Variants in EPHB1 observed in about 807,000 individuals in gnomAD.
EPHB1 encodes ephrin type-B receptor 1.
EPHB1 carries 30 observed loss-of-function variants against 94.4 expected under a neutral mutation model. That is an observed-to-expected ratio of 0.32 (90% CI 0.24 to 0.43). EPHB1 has a LOEUF of 0.43. Ranked by LOEUF, EPHB1 falls within the 20% of genes least tolerant of loss-of-function variation. The pLI, the probability that EPHB1 is intolerant of heterozygous loss-of-function variation, is 1.00. For synonymous variants in EPHB1, 522 were observed against 489.1 expected, an observed-to-expected ratio of 1.07 and a Z score of -0.89; for missense variants, 1,055 against 1,308.3, an observed-to-expected ratio of 0.81 and a Z score of 2.99.
At chr3:134,855,149 A>G (rs1285371722) in intron 1 of EPHB1, among the ~76,000 whole-genome samples, 1 of 152,228 alleles carries the variant, frequency 6.6e-6, no homozygotes, top group African/African-American at 2.4e-5. Context: ...TTGCTTATAT[A>G]TCTTTCAGTA....
At chr3:135,209,043 T>C (rs1480238818) in intron 12 of EPHB1, among the ~76,000 whole-genome samples, 1 of 152,194 alleles carries the variant, frequency 6.6e-6, no homozygotes, top group Non-Finnish European at 1.5e-5. Flanking sequence ...ATCTGGATAA[T>C]TTGAGCCTCA....
At chr3:135,081,775 C>T (rs1205357524) in intron 3 of EPHB1, among the ~76,000 whole-genome samples, 1 of 152,110 alleles carries the variant, frequency 6.6e-6, no homozygotes, top group Non-Finnish European at 1.5e-5. Flanking sequence ...ACAATCCACT[C>T]ATGTGGATGT....
chr3:134,811,350 G>A (rs915321280), intron 1 of EPHB1, among the ~76,000 whole-genome samples: 1 of 139,756 alleles, frequency 7.2e-6, no homozygotes, highest in Non-Finnish European at 1.5e-5. Context: ...GCAATCCTCC[G>A]GCTTCAGCCT....
At chr3:134,907,203 G>C (rs902080677) in intron 1 of EPHB1, among the ~76,000 whole-genome samples, 3 of 152,198 alleles carry the variant, frequency 2.0e-5, no homozygotes, top group East Asian at 1.9e-4. Context: ...GAGAGGTTGT[G>C]TGGGTTACCC....
At chr3:134,858,242 C>G (rs1281674334) in intron 1 of EPHB1, among the ~76,000 whole-genome samples, 2 of 152,080 alleles carry the variant, frequency 1.3e-5, no homozygotes, top group African/African-American at 4.8e-5. Context: ...GTGATATGCA[C>G]TCCTTGCTTG....
Position 135,132,703 on chromosome 3 carries a change from T to A in EPHB1, c.962-11T>A, listed in dbSNP as rs2107687090. Reference sequence around the variant, plus strand: ...GTCTAGCCTCACTGGACCTTCTTTGTCTCCCTGCAGGCGTCCCATCAGGTC... The same window carrying A: ...GTCTAGCCTCACTGGACCTTCTTTGACTCCCTGCAGGCGTCCCATCAGGTC... On this transcript the variant is annotated splice_polypyrimidine_tract_variant and intron_variant, in intron 4 of 15. Transcript: ENST00000398015. 6.4e-7 allele frequency: 1 copy of A among 1,561,642 alleles called. No homozygotes were observed. Among genetic ancestry groups the A allele is most frequent in the Non-Finnish European group, 8.7e-7 (1 of 1,148,906 alleles).
At chr3:135,208,353 G>C (rs977857075) in intron 12 of EPHB1, among the ~76,000 whole-genome samples, 2 of 151,560 alleles carry the variant, frequency 1.3e-5, no homozygotes, top group South Asian at 2.1e-4. Flanking sequence ...TGCACACAGA[G>C]AGATGCACAC....
At chr3:134,803,839 C>T (rs2035980010) in intron 1 of EPHB1, among the ~76,000 whole-genome samples, 1 of 152,120 alleles carries the variant, frequency 6.6e-6, no homozygotes, top group Admixed American at 6.5e-5. Flanking sequence ...CATGTGTTAC[C>T]CAGGAGCTGT....
intron 3 of EPHB1, among the ~76,000 whole-genome samples, chr3:134,965,329 T>G (rs1933693379): frequency 6.6e-6 from 1 of 152,238 alleles, no homozygotes; most frequent in Non-Finnish European, 1.5e-5. Flanking sequence ...GCTTCCACCT[T>G]GCAGGATGAC....
chr3:135,061,285 C>A (rs1300277289), intron 3 of EPHB1, among the ~76,000 whole-genome samples: 4 of 152,084 alleles, frequency 2.6e-5, no homozygotes, highest in Non-Finnish European at 5.9e-5. Flanking sequence ...CCCCTCCCAC[C>A]TTTACCCACA....
chr3:134,963,490 G>A (rs1368696484), intron 3 of EPHB1, among the ~76,000 whole-genome samples: 2 of 152,096 alleles, frequency 1.3e-5, no homozygotes, highest in Admixed American at 1.3e-4. Flanking sequence ...CTTCCATCTT[G>A]TGTCGAAATG....
At chr3:134,847,342 A>C (rs2036895261) in intron 1 of EPHB1, among the ~76,000 whole-genome samples, 1 of 152,220 alleles carries the variant, frequency 6.6e-6, no homozygotes. Context: ...TAGGACAGCC[A>C]CCAGCCTATT....
At chr3:135,027,144 A>G (rs1329140561) in intron 3 of EPHB1, among the ~76,000 whole-genome samples, 3 of 150,324 alleles carry the variant, frequency 2.0e-5, no homozygotes, top group African/African-American at 4.9e-5. Context: ...TACATATACA[A>G]TCATGTCATC....
At chr3:134,963,044 A>G (rs866138794) in intron 3 of EPHB1, among the ~76,000 whole-genome samples, 1 of 151,310 alleles carries the variant, frequency 6.6e-6, no homozygotes, top group Non-Finnish European at 1.5e-5. Context: ...AGCTCTTTCT[A>G]TCTGGGGCCA....
chr3:134,855,363 A>G (rs1046188636), intron 1 of EPHB1, among the ~76,000 whole-genome samples: 1 of 152,204 alleles, frequency 6.6e-6, no homozygotes, highest in African/African-American at 2.4e-5. Context: ...ACTGCCCTGC[A>G]TGGGCTGCCT....
At chr3:134,878,795 T>G (rs928776337) in intron 1 of EPHB1, among the ~76,000 whole-genome samples, 1 of 152,230 alleles carries the variant, frequency 6.6e-6, no homozygotes, top group African/African-American at 2.4e-5. Context: ...TTCACTTTTT[T>G]AAAACTTCAG....
At chr3:134,867,642 T>C (rs2037407428) in intron 1 of EPHB1, among the ~76,000 whole-genome samples, 1 of 152,192 alleles carries the variant, frequency 6.6e-6, no homozygotes. Context: ...AACTTGGTGA[T>C]GGAAAATGGG....
At chr3:134,858,373 C>T (rs114061469) in intron 1 of EPHB1, among the ~76,000 whole-genome samples, 595 of 152,114 alleles carry the variant, frequency 3.9e-3, no homozygotes, top group African/African-American at 0.014. Context: ...CGTGGGAGGG[C>T]GTGTGGGTCT....
At chr3:135,087,389 T>C (rs910112207) in intron 3 of EPHB1, among the ~76,000 whole-genome samples, 46 of 152,328 alleles carry the variant, frequency 3.0e-4, no homozygotes, top group African/African-American at 1.1e-3. Flanking sequence ...ATCTTAGTTA[T>C]TAACAAATGA....
Sources: allele counts gnomAD v4.1 joint callset (sites outside exome capture counted in the v4.1 genomes callset), GRCh38; gene constraint gnomAD v4.1.1; transcripts MANE v1.5; gene names NCBI Gene and HGNC (gene_info 2026-07-23, HGNC 2026-07-21).